Variants in GABRG3 observed in about 807,000 individuals in gnomAD.
GABRG3 encodes the protein gamma-aminobutyric acid receptor subunit gamma-3.
GABRG3 carries 25 observed loss-of-function variants against 48.8 expected under a neutral mutation model. That is an observed-to-expected ratio of 0.51 (90% CI 0.37 to 0.72). The LOEUF (loss-of-function observed/expected upper bound fraction) is 0.72. GABRG3 is among the 30% of genes least tolerant of loss of function. The pLI, the probability that GABRG3 is intolerant of heterozygous loss-of-function variation, is 0.00. For synonymous variants in GABRG3, 227 were observed against 217.6 expected, an observed-to-expected ratio of 1.04 and a Z score of -0.38; for missense variants, 394 against 577.9, an observed-to-expected ratio of 0.68 and a Z score of 3.26.
chr15:27,252,465 A>G (rs958005405), intron 3 of GABRG3, among the ~76,000 whole-genome samples: 1 of 152,218 alleles, frequency 6.6e-6, no homozygotes, highest in African/African-American at 2.4e-5. Context: ...AAGGCTCAGC[A>G]TAGAGGAGAC....
At chr15:27,218,461 C>T (rs1326263637) in intron 3 of GABRG3, among the ~76,000 whole-genome samples, 1 of 152,176 alleles carries the variant, frequency 6.6e-6, no homozygotes, top group Non-Finnish European at 1.5e-5. Flanking sequence ...TCAAAATAAT[C>T]CACATCCCAA....
chr15:27,088,593 G>A (rs1011387971), intron 3 of GABRG3, among the ~76,000 whole-genome samples: 2 of 152,164 alleles, frequency 1.3e-5, no homozygotes, highest in Non-Finnish European at 2.9e-5. Flanking sequence ...CTAACAGCCT[G>A]ACTGGGAGGC....
At chr15:27,310,804 T>G (rs935894150) in intron 3 of GABRG3, among the ~76,000 whole-genome samples, 1 of 151,930 alleles carries the variant, frequency 6.6e-6, no homozygotes, top group Non-Finnish European at 1.5e-5. Flanking sequence ...CTGATTAGAG[T>G]CTAGAACAAA....
intron 2 of GABRG3, among the ~76,000 whole-genome samples, chr15:27,017,394 G>A (rs958636416): frequency 3.3e-5 from 5 of 152,166 alleles, no homozygotes; most frequent in African/African-American, 1.2e-4. Context: ...CTTTGGTGGT[G>A]TAGCAAACTG....
chr15:27,223,337 G>C (rs1376572290), intron 3 of GABRG3, among the ~76,000 whole-genome samples: 2 of 152,240 alleles, frequency 1.3e-5, no homozygotes, highest in African/African-American at 4.8e-5. Flanking sequence ...CAATCGCTGA[G>C]ACAAGTATTG....
At chr15:27,312,496 C>G (rs1033456231) in intron 3 of GABRG3, among the ~76,000 whole-genome samples, 3 of 151,986 alleles carry the variant, frequency 2.0e-5, no homozygotes, top group African/African-American at 7.3e-5. Context: ...ACATTATAAT[C>G]AAATTGCCAA....
In GABRG3 at chr15:26,975,783, A is replaced by G. The variant is rs978268738; in HGVS notation, c.54-1219A>G. On this transcript the variant is annotated intron_variant, in intron 1 of 9. Coordinates refer to ENST00000615808, the MANE Select transcript of GABRG3 (RefSeq NM_033223.5). The surrounding 1 kb of genome is among the most constrained non-coding windows in gnomAD (Gnocchi z 4.6). The stretch of plus-strand genomic sequence containing the variant: ...ACTAACATTCTGGCTCCCATCTGGG[A>G]AGCTAAACAGAAAAGAGTTCATATA... 6.6e-6 allele frequency among the ~76,000 whole-genome samples: 1 copy of G among 152,220 alleles called. No homozygotes were observed. Among genetic ancestry groups the G allele is most frequent in the African/African-American group, 2.4e-5 (1 of 41,454 alleles).
chr15:27,482,475 A>G (rs1218309451), intron 6 of GABRG3, among the ~76,000 whole-genome samples: 1 of 146,210 alleles, frequency 6.8e-6, no homozygotes, highest in Non-Finnish European at 1.5e-5. Context: ...TTGCTAAATG[A>G]TTGACATTTT....
At chr15:27,481,029 C>G in intron 6 of GABRG3, 4 of 1,309,480 alleles carry the variant, frequency 3.1e-6, no homozygotes, top group Non-Finnish European at 3.9e-6. Context: ...ATAAACCTAG[C>G]TATAAACTTA....
chr15:27,384,098 AT>A (rs1419336984), intron 5 of GABRG3, among the ~76,000 whole-genome samples: 2 of 152,226 alleles, frequency 1.3e-5, no homozygotes, highest in African/African-American at 4.8e-5. Context: ...GAAGTGTTTA[AT>A]TTTACTCAAT....
intron 3 of GABRG3, among the ~76,000 whole-genome samples, chr15:27,220,992 T>C (rs772867422): frequency 1.4e-4 from 19 of 139,002 alleles, no homozygotes; most frequent in Non-Finnish European, 2.5e-4. Context: ...GAATTGCTTC[T>C]TTTTTTTTTC....
chr15:27,168,019 A>G (rs1887437684), intron 3 of GABRG3, among the ~76,000 whole-genome samples: 1 of 152,096 alleles, frequency 6.6e-6, no homozygotes, highest in African/African-American at 2.4e-5. Context: ...CTCTAACACC[A>G]GCTGTGTAGC....
At chr15:27,002,226 C>T (rs904586182) in intron 2 of GABRG3, among the ~76,000 whole-genome samples, 4 of 152,172 alleles carry the variant, frequency 2.6e-5, no homozygotes, top group Admixed American at 6.5e-5. Flanking sequence ...TGACTGAACT[C>T]GCACTCGAAG....
At position 27,533,124 on chromosome 15, in the gene GABRG3, C is replaced by T; in HGVS notation, c.*243C>T. ...AAAGTAATATTCTTGCTAATCCCTA[C>T]TGAATTGTAGCTTGGTGTTGTTTCT... On this transcript the variant is annotated 3_prime_UTR_variant, in exon 10 of 10. Transcript: ENST00000615808. 1 of 437,238 alleles carries T rather than the reference C, an allele frequency of 2.3e-6. No homozygotes were observed. The highest frequency in any genetic ancestry group is 4.1e-6 in the Non-Finnish European group (1 of 244,572). The allele number at this position is 437,238 out of a possible 1,614,324, so 27.1% of individuals were successfully genotyped here.
intron 3 of GABRG3, among the ~76,000 whole-genome samples, chr15:27,139,932 A>G (rs181746508): frequency 1.2e-4 from 19 of 152,262 alleles, no homozygotes; most frequent in African/African-American, 4.6e-4. Context: ...AATCATACCC[A>G]CATAGTGAAG....
intron 6 of GABRG3, among the ~76,000 whole-genome samples, chr15:27,501,319 G>A (rs1367678248): frequency 6.6e-6 from 1 of 152,128 alleles, no homozygotes; most frequent in Non-Finnish European, 1.5e-5. Flanking sequence ...TCCCTGAAGA[G>A]CACAGACATC....
chr15:27,411,658 G>A (rs1887802027), intron 5 of GABRG3, among the ~76,000 whole-genome samples: 1 of 152,132 alleles, frequency 6.6e-6, no homozygotes, highest in Middle Eastern at 3.2e-3. Flanking sequence ...ATATGAGTCA[G>A]TTTTTTGCTT....
intron 3 of GABRG3, among the ~76,000 whole-genome samples, chr15:27,189,573 G>A (rs1888224868): frequency 6.6e-6 from 1 of 152,086 alleles, no homozygotes; most frequent in Non-Finnish European, 1.5e-5. Context: ...TTTGTACATT[G>A]ATTTTGTATC....
At chr15:26,995,995 T>C (rs1895333702) in intron 2 of GABRG3, among the ~76,000 whole-genome samples, 1 of 152,138 alleles carries the variant, frequency 6.6e-6, no homozygotes. Context: ...CCTTGTGCCG[T>C]TATTATTAAA....
Sources: gnomAD v4.1 joint callset for allele counts (sites outside exome capture counted in the v4.1 genomes callset) on GRCh38, gnomAD v4.1.1 for gene constraint, Gnocchi (gnomAD v3.1) non-coding constraint, MANE v1.5 for transcripts, NCBI Gene and HGNC (gene_info 2026-07-23, HGNC 2026-07-21) for gene names.